RBPMS: variants seen among roughly 807,000 people sequenced by gnomAD.
The protein encoded by RBPMS is RNA binding protein, mRNA processing factor.
A neutral mutation model predicts 26.8 loss-of-function variants in RBPMS; 7 were observed. The ratio of observed to expected loss-of-function variants is 0.26; its 90% CI spans 0.15 to 0.49. The LOEUF (loss-of-function observed/expected upper bound fraction) is 0.49. Among genes scored for constraint, RBPMS ranks in the 20% least tolerant of loss-of-function variants. The probability of loss-of-function intolerance (pLI) is 0.98; values close to 1 mark genes in which losing one functional copy is unlikely to be tolerated. For missense variants in RBPMS, 186 were observed against 250.0 expected, an observed-to-expected ratio of 0.74 and a Z score of 1.73; for synonymous variants, 96 against 93.3, an observed-to-expected ratio of 1.03 and a Z score of -0.17.
At chr8:30,463,933 G>A (rs1816224998) in intron 1 of RBPMS, among the ~76,000 whole-genome samples, 2 of 152,148 alleles carry the variant, frequency 1.3e-5, no homozygotes. Context: ...TGGATCACTT[G>A]ATCCCAACAG....
rs370316602 is a variant in RBPMS, at chr8:30,563,734, G to A, written c.*8-2523G>A. ...AGTCATCCTCAGTAGAGTCCCAGGT[G>A]CTGGTGCCCAGGTGGAGCTTAGAGC... On this transcript the variant is annotated intron_variant, in intron 7 of 8. Transcript: ENST00000397323. Among the ~76,000 whole-genome samples the A allele has an allele frequency of 2.4e-3, 369 of 152,330 alleles. 16 individuals carry two copies. In the South Asian group the frequency reaches 0.064, roughly 27 times the overall value.
chr8:30,472,647 C>T (rs1481513695), intron 1 of RBPMS, among the ~76,000 whole-genome samples: 1 of 152,194 alleles, frequency 6.6e-6, no homozygotes, highest in Non-Finnish European at 1.5e-5. Context: ...GGGCTATTTA[C>T]ATCATTATAG....
At chr8:30,388,442 A>G (rs1807369834) in intron 1 of RBPMS, among the ~76,000 whole-genome samples, 1 of 143,744 alleles carries the variant, frequency 7.0e-6, no homozygotes, top group African/African-American at 2.5e-5. Context: ...TATAACTTAT[A>G]GCTATAGCTA....
rs1285003025 is a variant in RBPMS, at chr8:30,431,732, G to A, written c.67-43047G>A. Among the ~76,000 whole-genome samples the A allele has an allele frequency of 3.3e-5, 5 of 152,056 alleles. 1 individual carries two copies. In the South Asian group the frequency reaches 1.0e-3, roughly 32 times the overall value. On this transcript the variant is annotated intron_variant, in intron 1 of 8. Coordinates refer to ENST00000397323, the MANE Select transcript of RBPMS (RefSeq NM_001008710.3). ...CTCCCAAAGTGTTGGGATTACAGGT[G>A]TGAGCCACCGCGCCCAGCCCTCTCT...
intron 7 of RBPMS, chr8:30,565,688 T>C (rs1802354313): frequency 6.6e-6 from 1 of 152,314 alleles, no homozygotes; most frequent in South Asian, 2.1e-4. Flanking sequence ...CTTTTAGTTT[T>C]TGTTTTCCAG....
intron 5 of RBPMS, among the ~76,000 whole-genome samples, chr8:30,534,267 T>C (rs1824572034): frequency 6.6e-6 from 1 of 152,230 alleles, no homozygotes; most frequent in South Asian, 2.1e-4. Flanking sequence ...ATAAGCTGTA[T>C]GACCTTGGAC....
chr8:30,564,192 C>G (rs888985139), intron 7 of RBPMS: 6 of 152,168 alleles, frequency 3.9e-5, no homozygotes, highest in African/African-American at 1.4e-4. Context: ...TAGAACTTCA[C>G]CAGCTTTATA....
At chr8:30,477,655 G>T in intron 2 of RBPMS, 144 bp from the exon 3 acceptor site, 1 of 598,044 alleles carries the variant, frequency 1.7e-6, no homozygotes, top group South Asian at 2.1e-5. Context: ...ACATGCACAT[G>T]CATGTGTGTA....
chr8:30,474,644 G>C, intron 1 of RBPMS, 135 bp from the exon 2 acceptor site: 1 of 609,456 alleles, frequency 1.6e-6, no homozygotes, highest in South Asian at 2.5e-5. Flanking sequence ...TGAAGTATTC[G>C]TTGTATCATG....
chr8:30,388,570 A>G (rs1807399611), intron 1 of RBPMS, among the ~76,000 whole-genome samples: 7 of 127,098 alleles, frequency 5.5e-5, no homozygotes, highest in Admixed American at 7.7e-5. Context: ...ACTTATAGCT[A>G]TAGCTATAAG....
At chr8:30,465,150 T>C (rs1253319165) in intron 1 of RBPMS, among the ~76,000 whole-genome samples, 1 of 152,220 alleles carries the variant, frequency 6.6e-6, no homozygotes, top group Non-Finnish European at 1.5e-5. Context: ...AACTTCTTGT[T>C]GAACTCTAAG....
intron 5 of RBPMS, among the ~76,000 whole-genome samples, chr8:30,541,695 C>CT (rs1825407370): frequency 1.3e-5 from 2 of 152,096 alleles, no homozygotes; most frequent in Non-Finnish European, 2.9e-5. Flanking sequence ...TCTTTGTCTT[C>CT]TTTTTTCAGC....
chr8:30,426,077 T>G (rs1480120246), intron 1 of RBPMS, among the ~76,000 whole-genome samples: 1 of 152,220 alleles, frequency 6.6e-6, no homozygotes, highest in African/African-American at 2.4e-5. Context: ...ACTGCACTGC[T>G]TTAAAGACGC....
chr8:30,449,289 A>G (rs1367245178), intron 1 of RBPMS, among the ~76,000 whole-genome samples: 2 of 151,956 alleles, frequency 1.3e-5, no homozygotes, highest in Non-Finnish European at 2.9e-5. Flanking sequence ...TCTTATGTTC[A>G]GATATCCTGA....
In RBPMS at chr8:30,395,495, G is replaced by A. The variant is rs1176196970; in HGVS notation, c.66+10337G>A. On this transcript the variant is annotated intron_variant, in intron 1 of 8. Coordinates refer to ENST00000397323, the MANE Select transcript of RBPMS (RefSeq NM_001008710.3). ...AAAAAAAAAAAAAAAAAAAGACCAG[G>A]TGCATATCCAGATGTAATCAAACCT... 1.7e-5 allele frequency among the ~76,000 whole-genome samples: 2 copies of A among 120,104 alleles called. 1 individual carries two copies. The highest frequency in any genetic ancestry group is 8.5e-5 in the African/African-American group (2 of 23,438). The allele number at this position is 120,104 out of a possible 152,430, so 78.8% of individuals were successfully genotyped here. A position where few individuals can be genotyped will look rare whatever the true frequency, so the allele number is the denominator to read the frequency against.
At chr8:30,474,507 T>C (rs1298785274) in intron 1 of RBPMS, among the ~76,000 whole-genome samples, 1 of 152,194 alleles carries the variant, frequency 6.6e-6, no homozygotes, top group African/African-American at 2.4e-5. Context: ...TAATTCACTC[T>C]GAATAATTCA....
intron 1 of RBPMS, among the ~76,000 whole-genome samples, chr8:30,392,223 A>G (rs1024122366): frequency 1.3e-5 from 2 of 152,278 alleles, no homozygotes; most frequent in Admixed American, 6.5e-5. Context: ...AAAGAAGTTT[A>G]AAGAGTCAGT....
chr8:30,478,824 T>C (rs1037784381), intron 3 of RBPMS, among the ~76,000 whole-genome samples: 7 of 152,296 alleles, frequency 4.6e-5, no homozygotes, highest in African/African-American at 1.4e-4. Flanking sequence ...AGGCATCCCT[T>C]AGGATTTGAG....
At chr8:30,456,008 C>T (rs1391284121) in intron 1 of RBPMS, among the ~76,000 whole-genome samples, 1 of 152,086 alleles carries the variant, frequency 6.6e-6, no homozygotes, top group Non-Finnish European at 1.5e-5. Flanking sequence ...CATCTGAAGG[C>T]CAGAGGCTTG....
Sources: gnomAD v4.1 joint callset for allele counts (sites outside exome capture counted in the v4.1 genomes callset) on GRCh38, gnomAD v4.1.1 for gene constraint, MANE v1.5 for transcripts, NCBI Gene and HGNC (gene_info 2026-07-23, HGNC 2026-07-21) for gene names.